PTHLH: variants seen among roughly 807,000 people sequenced by gnomAD.
PTHLH encodes the protein parathyroid hormone-related protein.
PTHLH carries 5 observed loss-of-function variants against 18.6 expected under a neutral mutation model. The observed-to-expected ratio is 0.27, with a 90% CI of 0.14 to 0.56. PTHLH has a LOEUF of 0.56. Ranked by LOEUF, PTHLH falls within the 20% of genes least tolerant of loss-of-function variation. The pLI, the probability that PTHLH is intolerant of heterozygous loss-of-function variation, is 0.92. For synonymous variants in PTHLH, 90 were observed against 94.0 expected (o/e 0.96, Z 0.25); for missense variants, 207 against 223.9 (o/e 0.92, Z 0.48).
chr12:27,958,353 TA>T lies in PTHLH; in HGVS notation c.*205del. The T allele has an allele frequency of 2.4e-6, 1 of 410,000 alleles. No individual in the cohort carries two copies. Among genetic ancestry groups the T allele is most frequent in the Non-Finnish European group, 4.3e-6 (1 of 230,370 alleles). 25.4% of individuals were successfully genotyped at this position (410,000 alleles called of 1,614,324 possible). ...CATCAATGGACAAAATAAATTATGG[TA>T]AATGTGATAATAATAATTGGATTAG... On this transcript the variant is annotated 3_prime_UTR_variant, in exon 6 of 6. Coordinates refer to ENST00000545234, the MANE Select transcript of PTHLH (RefSeq NM_198965.2).
At chr12:27,960,228 T>C (rs1371453503) in intron 5 of PTHLH, among the ~76,000 whole-genome samples, 2 of 152,218 alleles carry the variant, frequency 1.3e-5, no homozygotes, top group African/African-American at 4.8e-5. Flanking sequence ...ACTATGGACT[T>C]TTAATATTTT....
At chr12:27,962,232 CT>C (rs2062768248) in intron 5 of PTHLH, 2 of 255,068 alleles carry the variant, frequency 7.8e-6, no homozygotes, top group Non-Finnish European at 1.5e-5. Context: ...ACATACCCCC[CT>C]AGATAGATAG....
intron 5 of PTHLH, chr12:27,962,005 G>T (rs747028679): frequency 1.5e-6 from 1 of 671,120 alleles, no homozygotes; most frequent in Non-Finnish European, 2.6e-6. Context: ...GTACTGAAAA[G>T]TGAAAAGAAA....
chr12:27,964,436 T>A (rs1254656651), intron 4 of PTHLH, among the ~76,000 whole-genome samples: 2 of 151,730 alleles, frequency 1.3e-5, no homozygotes, highest in African/African-American at 4.8e-5. Flanking sequence ...TTTAGACTAC[T>A]GGCTACCAAG....
At chr12:27,961,305 A>ACACG (rs1555124095) in intron 5 of PTHLH, among the ~76,000 whole-genome samples, 1 of 42,482 alleles carries the variant, frequency 2.4e-5, no homozygotes, top group Non-Finnish European at 4.5e-5. Flanking sequence ...ATATACGTAT[A>ACACG]TATATATATA....
rs2062782806 is a variant in PTHLH, at chr12:27,963,659, T to C, written c.213A>G (p.Glu71=). ...HHLIAEIHTA[E]IRATSEVSPN... ...GGGACACCTCCGAGGTAGCTCTGAT[T>C]TCAGCTGTGTGGATTTCTGCGATCA... is the stretch of plus-strand genomic sequence containing the variant. The change falls in exon 5 of 6, where the codon GAA becomes GAG. Residue 71 remains glutamate (E), a synonymous_variant. Coordinates refer to ENST00000545234, the MANE Select transcript of PTHLH (RefSeq NM_198965.2). The C allele has an allele frequency of 6.2e-7, 1 of 1,613,854 alleles. No homozygotes were observed. The highest frequency in any genetic ancestry group is 1.7e-5 in the Admixed American group (1 of 59,976).
At chr12:27,958,662 G>A in intron 5 of PTHLH, 94 bp from the exon 6 acceptor site, 2 of 1,213,250 alleles carry the variant, frequency 1.6e-6, no homozygotes, top group Non-Finnish European at 1.1e-6. Context: ...GCTAAGGAAT[G>A]CAAAATCACA....
intron 5 of PTHLH, among the ~76,000 whole-genome samples, chr12:27,960,491 G>A (rs1255159702): frequency 2.6e-5 from 4 of 152,044 alleles, no homozygotes; most frequent in Non-Finnish European, 5.9e-5. Flanking sequence ...TTTGGGGCAG[G>A]TGGATCACCT....
At chr12:27,965,891 T>G (rs989035282) in intron 4 of PTHLH, among the ~76,000 whole-genome samples, 2 of 152,252 alleles carry the variant, frequency 1.3e-5, no homozygotes, top group African/African-American at 4.8e-5. Flanking sequence ...AAGTATCTTT[T>G]AGCAAAATGT....
At chr12:27,970,343 G>A (rs368559360) in intron 2 of PTHLH, 76 bp from the exon 3 acceptor site, 11 of 149,724 alleles carry the variant, frequency 7.3e-5, no homozygotes, top group African/African-American at 2.2e-4. Context: ...GCGCAGGCGG[G>A]CTGGCGGGCG....
In PTHLH at chr12:27,970,184, C is replaced by T; in HGVS notation, c.-182G>A. The T allele has an allele frequency of 1.9e-6, 1 of 513,352 alleles. No individual in the cohort carries two copies. Among genetic ancestry groups the T allele is most frequent in the Non-Finnish European group, 3.9e-6 (1 of 257,466 alleles). The allele number at this position is 513,352 out of a possible 1,614,324, so 31.8% of individuals were successfully genotyped here. A position where few individuals can be genotyped will look rare whatever the true frequency, so the allele number is the denominator to read the frequency against. On this transcript the variant is annotated 5_prime_UTR_variant, in exon 3 of 6. Transcript: ENST00000545234. ...GGAGGCGGCAGCCCCGCTTCACGGG[C>T]GGGGAGACATGCTGGCCGGGCGGCG...
rs572966535 is a variant in PTHLH at position 27,961,994 on chromosome 12, T to G, written c.524+1354A>C. On this transcript the variant is annotated intron_variant, in intron 5 of 5. Transcript: ENST00000545234. ...TTTTTTTCAAACCCCACAGAAGTGCTGTACTGAAAAGTGAAAAGAAAAAAA... is the reference window on the plus strand; with the variant it reads ...TTTTTTTCAAACCCCACAGAAGTGCGGTACTGAAAAGTGAAAAGAAAAAAA... 1.0e-3 allele frequency: 719 copies of G among 691,346 alleles called. 2 individuals are homozygous for G. The highest frequency in any genetic ancestry group is 1.6e-3 in the Non-Finnish European group (629 of 387,830). The allele number at this position is 691,346 out of a possible 1,614,324, so 42.8% of individuals were successfully genotyped here.
At chr12:27,965,995 A>G (rs1038890293) in intron 4 of PTHLH, among the ~76,000 whole-genome samples, 1 of 152,150 alleles carries the variant, frequency 6.6e-6, no homozygotes, top group Admixed American at 6.5e-5. Flanking sequence ...CGTCTTCTGT[A>G]TTGCTCTCCA....
chr12:27,958,682 G>C (rs942408257), intron 5 of PTHLH, 114 bp from the exon 6 acceptor site: 4 of 1,015,092 alleles, frequency 3.9e-6, no homozygotes, highest in African/African-American at 1.6e-5. Flanking sequence ...AATGGAAAGA[G>C]ATTCAGGGAA....
chr12:27,958,221 C>T lies in PTHLH; in HGVS notation c.*338G>A, dbSNP rs2062727498. 2 of 188,444 alleles carry T rather than the reference C, an allele frequency of 1.1e-5. No individual in the cohort carries two copies. Among genetic ancestry groups the T allele is most frequent in the East Asian group, 1.2e-4 (1 of 8,454 alleles). 11.7% of individuals were successfully genotyped at this position (188,444 alleles called of 1,614,324 possible). On this transcript the variant is annotated 3_prime_UTR_variant, in exon 6 of 6. Transcript: ENST00000545234. ...TAAAATCAACCACAAAATAGAGACA[C>T]TTCATTGTGTCATTTATCAACATAC...
chr12:27,961,323 G>GTATATATATATATATATATATATACGTA (rs200143763), intron 5 of PTHLH, among the ~76,000 whole-genome samples: 1 of 91,938 alleles, frequency 1.1e-5, no homozygotes, highest in African/African-American at 4.1e-5. Flanking sequence ...ATATATATAC[G>GTATATATATATATATATATATATACGTA]TATATATATA....
At chr12:27,967,089 C>T (rs549068536) in intron 4 of PTHLH, among the ~76,000 whole-genome samples, 22 of 152,264 alleles carry the variant, frequency 1.4e-4, no homozygotes, top group African/African-American at 5.1e-4. Context: ...TGGAATAGAC[C>T]CAGTCTGGCT....
intron 5 of PTHLH, chr12:27,961,991 T>A (rs1393952925): frequency 1.4e-6 from 1 of 692,746 alleles, no homozygotes; most frequent in Non-Finnish European, 2.6e-6. Flanking sequence ...CCCACAGAAG[T>A]GCTGTACTGA....
At position 27,969,464 on chromosome 12, in the gene PTHLH, C is replaced by A; in HGVS notation, c.31G>T (p.Val11Phe). 6.3e-7 allele frequency: 1 copy of A among 1,590,694 alleles called. No individual in the cohort carries two copies. The highest frequency in any genetic ancestry group is 8.5e-7 in the Non-Finnish European group (1 of 1,170,290). MQRRLVQQWS[V>F]AVFLLSYAVP... ...GCGTAGCTCAGCAGGAACACCGCGA[C>A]GCTCCACTGCTGAACCAGTCTCCGC... Residue 11 changes from valine to phenylalanine, a missense_variant, in exon 4 of 6, where the codon GTC (valine) becomes TTC (phenylalanine). By Grantham distance (50) the Val-to-Phe change is conservative. Coordinates refer to ENST00000545234, the MANE Select transcript of PTHLH (RefSeq NM_198965.2).
Sources: gnomAD v4.1 joint callset for allele counts (sites outside exome capture counted in the v4.1 genomes callset) on GRCh38, gnomAD v4.1.1 for gene constraint, MANE v1.5 for transcripts, NCBI Gene and HGNC (gene_info 2026-07-23, HGNC 2026-07-21) for gene names.